Variants in FNTB observed in about 807,000 individuals in gnomAD.
FNTB encodes farnesyltransferase, CAAX box, subunit beta, also known as protein farnesyltransferase subunit beta.
In FNTB, 27 loss-of-function variants were observed where a neutral mutation model predicts 59.4. The observed-to-expected ratio is 0.45, with a 90% CI of 0.34 to 0.63. The LOEUF is 0.63. Ranked by LOEUF, FNTB falls within the 20% of genes least tolerant of loss-of-function variation. The pLI is 0.02. For missense variants in FNTB, 449 were observed against 559.6 expected (o/e 0.80, Z 1.99); for synonymous variants, 230 against 220.7 (o/e 1.04, Z -0.37).
intron 7 of FNTB, among the ~76,000 whole-genome samples, chr14:65,036,634 G>GTT (rs2062199291): frequency 6.6e-6 from 1 of 152,092 alleles, no homozygotes; most frequent in Non-Finnish European, 1.5e-5. Context: ...TTCTCTGTAT[G>GTT]TTTTTTTCTT....
chr14:65,051,189 C>T (rs2062600429), intron 9 of FNTB, among the ~76,000 whole-genome samples: 1 of 152,234 alleles, frequency 6.6e-6, no homozygotes, highest in African/African-American at 2.4e-5. Flanking sequence ...AGACGAGAAG[C>T]TTTTGTCCCT....
intron 1 of FNTB, among the ~76,000 whole-genome samples, chr14:65,000,837 A>AT: frequency 6.7e-6 from 1 of 150,176 alleles, no homozygotes. Flanking sequence ...AAAAAAAAAA[A>AT]AAAAGAATAG....
At position 64,987,089 on chromosome 14, in the gene FNTB, A is replaced by G. The variant is rs771444910; in HGVS notation, c.136A>G (p.Ile46Val). 8 of 1,614,210 alleles carry G rather than the reference A, an allele frequency of 5.0e-6. No individual in the cohort carries two copies. The highest frequency in any genetic ancestry group is 2.2e-5 in the East Asian group (1 of 44,884). ...QDDSVETVTSIEQAKVEEKIQ... is the reference protein window; with the variant it reads ...QDDSVETVTSVEQAKVEEKIQ... ...CGACTCGGTGGAAACAGTCACGTCC[A>G]TAGAACAGGTGAGGTGGCAGGACTG... The change falls in exon 1 of 12, where the codon ATA becomes GTA. Residue 46 changes from isoleucine to valine, a missense_variant. Ile to Val is a conservative substitution (Grantham distance 29). Coordinates refer to ENST00000246166, the MANE Select transcript of FNTB (RefSeq NM_002028.4).
At chr14:65,024,548 T>A (rs999912666) in intron 4 of FNTB, among the ~76,000 whole-genome samples, 2 of 152,220 alleles carry the variant, frequency 1.3e-5, no homozygotes, top group African/African-American at 4.8e-5. Flanking sequence ...TAGAAGATAG[T>A]TTCCCACTTT....
At chr14:65,048,725 C>G (rs1391162620) in intron 9 of FNTB, among the ~76,000 whole-genome samples, 1 of 152,110 alleles carries the variant, frequency 6.6e-6, no homozygotes, top group Non-Finnish European at 1.5e-5. Flanking sequence ...CATGGTGGCA[C>G]ATGCCTGTAG....
Position 65,057,350 on chromosome 14 carries a change from G to GC in FNTB, c.1182+2664dup. Among the ~76,000 whole-genome samples the GC allele has an allele frequency of 2.0e-5, 3 of 152,244 alleles. No homozygotes were observed. The South Asian group carries it at 6.2e-4, about 32-fold the overall frequency. On this transcript the variant is annotated intron_variant, in intron 11 of 11. Transcript: ENST00000246166. ...AGGCTGAGGTGGGAGAATCGCTTGA[G>GC]CCCAGGTAGTCAAGGCTGCAGTGAG...
intron 11 of FNTB, among the ~76,000 whole-genome samples, chr14:65,056,223 G>A (rs1469013486): frequency 6.6e-6 from 1 of 152,006 alleles, no homozygotes; most frequent in Non-Finnish European, 1.5e-5. Flanking sequence ...GTTTATCTGT[G>A]TTCACATGTG....
Position 65,014,800 on chromosome 14 carries a change from C to T in FNTB, c.283-825C>T, listed in dbSNP as rs371519395. ...CTGCACTCTAGCCTGGGTGACAGAG[C>T]GAGACCCTGTCTCAAAAAAATAAAC... On this transcript the variant is annotated intron_variant, in intron 3 of 11. Coordinates refer to ENST00000246166, the MANE Select transcript of FNTB (RefSeq NM_002028.4). The surrounding 1 kb of genome is among the most constrained non-coding windows in gnomAD (Gnocchi z 5.1). Among the ~76,000 whole-genome samples, 1 of 152,044 alleles carries T rather than the reference C, an allele frequency of 6.6e-6. No homozygotes were observed. Among genetic ancestry groups the T allele is most frequent in the African/African-American group, 2.4e-5 (1 of 41,386 alleles).
intron 9 of FNTB, among the ~76,000 whole-genome samples, chr14:65,050,015 T>A (rs922481730): frequency 1.3e-5 from 2 of 152,138 alleles, no homozygotes; most frequent in Non-Finnish European, 2.9e-5. Context: ...TTAAAAATTT[T>A]AAAAAGTTTT....
chr14:65,013,848 G>GTAACTACATGAGGTAGTTA (rs1235148364), intron 3 of FNTB, among the ~76,000 whole-genome samples: 1 of 152,164 alleles, frequency 6.6e-6, no homozygotes, highest in Non-Finnish European at 1.5e-5. Flanking sequence ...GCGCCCAGTT[G>GTAACTACATGAGGTAGTTA]CATTCTCTTA....
intron 4 of FNTB, among the ~76,000 whole-genome samples, chr14:65,019,888 T>C (rs2061854003): frequency 6.6e-6 from 1 of 152,242 alleles, no homozygotes; most frequent in Admixed American, 6.5e-5. Context: ...GAAGATTTTT[T>C]TTAGACTAGC....
At chr14:65,058,809 G>GTGTGTC (rs947132682) in intron 11 of FNTB, among the ~76,000 whole-genome samples, 1 of 152,162 alleles carries the variant, frequency 6.6e-6, no homozygotes, top group Non-Finnish European at 1.5e-5. Flanking sequence ...AGTAGAGGCA[G>GTGTGTC]TGTGTCTGTG....
chr14:65,054,854 G>A lies in FNTB; in HGVS notation c.1182+165G>A, dbSNP rs2062695753. 6.6e-6 allele frequency among the ~76,000 whole-genome samples: 1 copy of A among 152,228 alleles called. No homozygotes were observed. The highest frequency in any genetic ancestry group is 2.1e-4 in the South Asian group (1 of 4,834). ...AGCCGTTAGTGAGGATGTGACCACAGAGGAGACGCACCTCTGGGCAAGCTC... is the reference window on the plus strand; with the variant it reads ...AGCCGTTAGTGAGGATGTGACCACAAAGGAGACGCACCTCTGGGCAAGCTC... On this transcript the variant is annotated intron_variant, in intron 11 of 11. Coordinates refer to ENST00000246166, the MANE Select transcript of FNTB (RefSeq NM_002028.4). The surrounding 1 kb of genome is among the most constrained non-coding windows in gnomAD (Gnocchi z 4.4).
intron 7 of FNTB, among the ~76,000 whole-genome samples, chr14:65,037,427 TTTTTTTTTTTTTTTTTTTTG>T: frequency 3.5e-5 from 4 of 115,802 alleles, no homozygotes; most frequent in African/African-American, 7.1e-5. Flanking sequence ...TTTTTTTTTT[TTTTTTTTTTTTTTTTTTTTG>T]AGACGTCTCT....
chr14:64,997,246 C>T lies in FNTB; in HGVS notation c.145-7003C>T, dbSNP rs1335129672. 6.6e-6 allele frequency among the ~76,000 whole-genome samples: 1 copy of T among 152,168 alleles called. No homozygotes were observed. Among genetic ancestry groups the T allele is most frequent in the Non-Finnish European group, 1.5e-5 (1 of 68,030 alleles). On this transcript the variant is annotated intron_variant, in intron 1 of 11. Coordinates refer to ENST00000246166, the MANE Select transcript of FNTB (RefSeq NM_002028.4). The surrounding 1 kb of genome is among the most constrained non-coding windows in gnomAD (Gnocchi z 4.5). ...TGTAGATAACATCCCAATTGCAGAACCTAAGATTGGCTGTTTGAGATGTCT... is the reference window on the plus strand; with the variant it reads ...TGTAGATAACATCCCAATTGCAGAATCTAAGATTGGCTGTTTGAGATGTCT...
rs1191619661 is a variant in FNTB, at chr14:65,031,504, G to C, written c.606-1106G>C. ...AGCTAATTTTTGTGTTTTTAGTGGA[G>C]ACGGGGTTTCGCAATATTGGTCAGG... On this transcript the variant is annotated intron_variant, in intron 6 of 11. Transcript: ENST00000246166. This position sits in a 1 kb window ranked among gnomAD's most constrained non-coding sequence, Gnocchi z 4.6. Among the ~76,000 whole-genome samples, 1 of 152,006 alleles carries C rather than the reference G, an allele frequency of 6.6e-6. No homozygotes were observed. Among genetic ancestry groups the C allele is most frequent in the South Asian group, 2.1e-4 (1 of 4,824 alleles).
rs954492517 is a variant in FNTB at position 64,990,948 on chromosome 14, G to T, written c.144+3851G>T. 6.6e-6 allele frequency among the ~76,000 whole-genome samples: 1 copy of T among 152,052 alleles called. No homozygotes were observed. The highest frequency in any genetic ancestry group is 1.5e-5 in the Non-Finnish European group (1 of 68,002). ...GTTTTGTTAATGCAGATGCAGGGAGGGCCTTTCATGACACTAGAGAACAAG... is the reference window on the plus strand; with the variant it reads ...GTTTTGTTAATGCAGATGCAGGGAGTGCCTTTCATGACACTAGAGAACAAG... On this transcript the variant is annotated intron_variant, in intron 1 of 11. Transcript: ENST00000246166. The surrounding 1 kb of genome is among the most constrained non-coding windows in gnomAD (Gnocchi z 5.2).
chr14:65,042,057 A>G (rs2062365024), intron 8 of FNTB, among the ~76,000 whole-genome samples: 1 of 152,008 alleles, frequency 6.6e-6, no homozygotes, highest in African/African-American at 2.4e-5. Flanking sequence ...GTTAAAGGAG[A>G]GAACATTTAT....
intron 1 of FNTB, among the ~76,000 whole-genome samples, chr14:64,996,863 G>A (rs188749611): frequency 1.4e-5 from 2 of 146,086 alleles, no homozygotes; most frequent in Admixed American, 1.4e-4. Flanking sequence ...CCCCAGTTCA[G>A]TGTGCCTGCC....
Sources: allele counts gnomAD v4.1 joint callset (sites outside exome capture counted in the v4.1 genomes callset), GRCh38; gene constraint gnomAD v4.1.1; non-coding constraint Gnocchi (gnomAD v3.1); transcripts MANE v1.5; gene names NCBI Gene and HGNC (gene_info 2026-07-23, HGNC 2026-07-21).